Variants in ATP2B1 observed in about 807,000 individuals in gnomAD.
ATP2B1 encodes plasma membrane calcium-transporting ATPase 1.
A neutral mutation model predicts 124.2 loss-of-function variants in ATP2B1; 14 were observed. The observed-to-expected ratio is 0.11, with a 90% CI of 0.07 to 0.18. The LOEUF is 0.18. ATP2B1 is among the 10% of genes least tolerant of loss of function. The probability of loss-of-function intolerance (pLI) is 1.00; values close to 1 mark genes in which losing one functional copy is unlikely to be tolerated. For synonymous variants in ATP2B1, 449 were observed against 492.4 expected (o/e 0.91, Z 1.17); for missense variants, 763 against 1,466.1 (o/e 0.52, Z 7.83).
At chr12:89,643,812 A>C (rs1177111075) in intron 2 of ATP2B1, among the ~76,000 whole-genome samples, 2 of 152,242 alleles carry the variant, frequency 1.3e-5, no homozygotes, top group Non-Finnish European at 1.5e-5. Flanking sequence ...TAGAGAAGCC[A>C]GGCACAGTGG....
intron 1 of ATP2B1, among the ~76,000 whole-genome samples, chr12:89,699,927 C>T (rs1009657461): frequency 1.3e-5 from 2 of 152,148 alleles, no homozygotes; most frequent in African/African-American, 4.8e-5. Context: ...TCACTGCAAC[C>T]TCTACCTCCT....
Position 89,655,949 on chromosome 12 carries a change from T to A in ATP2B1, c.-63A>T. Reference sequence around the variant, plus strand: ...AAGAATTTAATTTTCACTTGATGTATTTCCAAGATGAAAATCTTTTAAGTA... The same window carrying A: ...AAGAATTTAATTTTCACTTGATGTAATTCCAAGATGAAAATCTTTTAAGTA... On this transcript the variant is annotated 5_prime_UTR_variant, in exon 2 of 21. Coordinates refer to ENST00000428670, the MANE Select transcript of ATP2B1 (RefSeq NM_001366521.1). 6.9e-7 allele frequency: 1 copy of A among 1,458,958 alleles called. No individual in the cohort carries two copies. The highest frequency in any genetic ancestry group is 9.2e-7 in the Non-Finnish European group (1 of 1,085,386). The allele number at this position is 1,458,958 out of a possible 1,614,324, so 90.4% of individuals were successfully genotyped here. A position where few individuals can be genotyped will look rare whatever the true frequency, so the allele number is the denominator to read the frequency against.
At chr12:89,695,056 T>G in intron 1 of ATP2B1, among the ~76,000 whole-genome samples, 1 of 3,358 alleles carries the variant, frequency 3.0e-4, no homozygotes, top group Non-Finnish European at 1.2e-3. Context: ...AAGATGCTGT[T>G]TCAAAAAAAA....
chr12:89,588,162 G>C lies in ATP2B1; in HGVS notation c.*2822C>G, dbSNP rs956727402. ...AAATAGATGGTAAGCATCATTGAAA[G>C]AAATCAACACCATCACGGTATCTCA... On this transcript the variant is annotated 3_prime_UTR_variant, in exon 21 of 21. Transcript: ENST00000428670. The C allele has an allele frequency of 1.3e-5, 2 of 152,540 alleles. No homozygotes were observed. Among genetic ancestry groups the C allele is most frequent in the Non-Finnish European group, 2.9e-5 (2 of 67,996 alleles). The allele number at this position is 152,540 out of a possible 1,614,324, so 9.4% of individuals were successfully genotyped here.
chr12:89,603,570 C>G lies in ATP2B1; in HGVS notation c.2848+142G>C. 2.3e-6 allele frequency: 2 copies of G among 864,756 alleles called. No individual in the cohort carries two copies. Among genetic ancestry groups the G allele is most frequent in the South Asian group, 3.5e-5 (2 of 56,618 alleles). The allele number at this position is 864,756 out of a possible 1,614,324, so 53.6% of individuals were successfully genotyped here. On this transcript the variant is annotated intron_variant, in intron 17 of 20. Transcript: ENST00000428670. This position sits in a 1 kb window ranked among gnomAD's most constrained non-coding sequence, Gnocchi z 4.3. Reference sequence around the variant, plus strand: ...TCCTCCCAAATTTACTAAGCACTCACTGATTAAGAAGAAATTAAAGATAAA... The same window carrying G: ...TCCTCCCAAATTTACTAAGCACTCAGTGATTAAGAAGAAATTAAAGATAAA...
intron 19 of ATP2B1, among the ~76,000 whole-genome samples, chr12:89,600,837 C>T (rs554919213): frequency 5.7e-4 from 87 of 151,990 alleles, no homozygotes; most frequent in African/African-American, 2.0e-3. Context: ...TTAGTAGAGA[C>T]GGGGTTTCAC....
intron 3 of ATP2B1, among the ~76,000 whole-genome samples, chr12:89,638,159 T>C (rs916272020): frequency 3.9e-5 from 6 of 152,130 alleles, no homozygotes; most frequent in Non-Finnish European, 7.4e-5. Context: ...TGTATAAATA[T>C]ATAAAGAATT....
intron 5 of ATP2B1, among the ~76,000 whole-genome samples, chr12:89,631,072 C>A (rs1374520433): frequency 6.6e-6 from 1 of 151,990 alleles, no homozygotes; most frequent in Non-Finnish European, 1.5e-5. Context: ...ATGTCTTGAT[C>A]AATAAAATAC....
In ATP2B1 at chr12:89,677,987, C is replaced by T. The variant is rs1182124987; in HGVS notation, c.-221-21880G>A. 2.2e-3 allele frequency among the ~76,000 whole-genome samples: 181 copies of T among 82,674 alleles called. 2 individuals carry two copies. Among genetic ancestry groups the T allele is most frequent in the East Asian group, 7.0e-3 (21 of 2,994 alleles). The allele number at this position is 82,674 out of a possible 152,430, so 54.2% of individuals were successfully genotyped here. ...ATATATATATACACACACACACACA[C>T]ACACACACACACACACACACACACA... On this transcript the variant is annotated intron_variant, in intron 1 of 20. Coordinates refer to ENST00000428670, the MANE Select transcript of ATP2B1 (RefSeq NM_001366521.1).
At chr12:89,627,444 A>C (rs2070758) in intron 7 of ATP2B1, among the ~76,000 whole-genome samples, 2,265 of 152,042 alleles carry the variant, frequency 0.015, 91 homozygotes, top group East Asian at 0.093. Context: ...TTCTGGTCCC[A>C]AGCATTTCGG....
Position 89,591,130 on chromosome 12 carries a change from T to C in ATP2B1, c.3517A>G (p.Thr1173Ala). The C allele has an allele frequency of 6.2e-7, 1 of 1,613,298 alleles. No individual in the cohort carries two copies. ...GGTGGAGGACTGGAGTTACGTTTTGTAGGAGCATCATCTTCGGCATCAGTG... is the reference window on the plus strand; with the variant it reads ...GGTGGAGGACTGGAGTTACGTTTTGCAGGAGCATCATCTTCGGCATCAGTG... Reference protein sequence around the residue: ...DDTDAEDDAPTKRNSSPPPSP... With the variant: ...DDTDAEDDAPAKRNSSPPPSP... Residue 1173 changes from threonine to alanine, a missense_variant, in exon 21 of 21, where the codon ACA (threonine) becomes GCA (alanine). Around this residue, in one of 7 missense-constraint regions of ATP2B1, gnomAD observed 97 missense variants for 94.7 expected, o/e 1.02. Transcript: ENST00000428670.
chr12:89,635,039 C>T lies in ATP2B1; in HGVS notation c.619G>A (p.Val207Ile). The T allele has an allele frequency of 1.2e-6, 2 of 1,613,992 alleles. No homozygotes were observed. Among genetic ancestry groups the T allele is most frequent in the Middle Eastern group, 1.7e-4 (1 of 6,060 alleles). ...IRGGQVIQIP[V>I]ADITVGDIAQ... ...ATATCTCCAACAGTAATGTCAGCTA[C>T]AGGTATCTGAATGACCTGACCACCC... The change falls in exon 4 of 21, where the codon GTA becomes ATA. Residue 207 changes from valine to isoleucine, a missense_variant. By Grantham distance (29) the Val-to-Ile change is conservative. Coordinates refer to ENST00000428670, the MANE Select transcript of ATP2B1 (RefSeq NM_001366521.1).
chr12:89,697,348 G>T (rs1203691063), intron 1 of ATP2B1, among the ~76,000 whole-genome samples: 1 of 152,150 alleles, frequency 6.6e-6, no homozygotes, highest in Non-Finnish European at 1.5e-5. Context: ...GAGGAATCTG[G>T]ATTTGCAAAG....
intron 1 of ATP2B1, among the ~76,000 whole-genome samples, chr12:89,692,805 A>G (rs1890697406): frequency 6.6e-6 from 1 of 152,188 alleles, no homozygotes. Flanking sequence ...TCTTAAATGT[A>G]TGTATGGAAT....
At chr12:89,636,786 G>A (rs1338549049) in intron 3 of ATP2B1, among the ~76,000 whole-genome samples, 2 of 152,116 alleles carry the variant, frequency 1.3e-5, no homozygotes, top group Non-Finnish European at 2.9e-5. Flanking sequence ...TCAACTGTGA[G>A]GTACAAGCAG....
intron 3 of ATP2B1, 59 bp from the exon 4 acceptor site, chr12:89,635,310 T>A: frequency 6.5e-7 from 1 of 1,531,460 alleles, no homozygotes; most frequent in East Asian, 2.3e-5. Context: ...ACAACATACA[T>A]ATAGTACGTC....
rs1321756190 is a variant in ATP2B1, at chr12:89,601,156, GAC to G, written c.3168+168_3168+169del. Among the ~76,000 whole-genome samples, 12 of 151,928 alleles carry G rather than the reference GAC, an allele frequency of 7.9e-5. No homozygotes were observed. The East Asian group carries it at 2.3e-3, about 29-fold the overall frequency. On this transcript the variant is annotated intron_variant, in intron 19 of 20. Transcript: ENST00000428670. ...ACAGGCATAATCATAATGAACAAGTGACATACTGGAACTAATACGACATTAAA... is the reference window on the plus strand; with the variant it reads ...ACAGGCATAATCATAATGAACAAGTGATACTGGAACTAATACGACATTAAA...
chr12:89,645,372 A>G (rs1884284513), intron 2 of ATP2B1, among the ~76,000 whole-genome samples: 2 of 152,216 alleles, frequency 1.3e-5, no homozygotes, highest in Admixed American at 1.3e-4. Context: ...TTTACTGAAT[A>G]TTTACTACTT....
chr12:89,706,079 A>G (rs929599874), intron 1 of ATP2B1, among the ~76,000 whole-genome samples: 2 of 152,208 alleles, frequency 1.3e-5, no homozygotes, highest in African/African-American at 4.8e-5. Context: ...GAAGGAAGGG[A>G]AGGGAAAGAA....
Sources: allele counts gnomAD v4.1 joint callset (sites outside exome capture counted in the v4.1 genomes callset), GRCh38; gene constraint gnomAD v4.1.1; regional missense constraint gnomAD v4.1.1; non-coding constraint Gnocchi (gnomAD v3.1); transcripts MANE v1.5; gene names NCBI Gene and HGNC (gene_info 2026-07-23, HGNC 2026-07-21).